Variants in SEMA5A observed in about 807,000 individuals in gnomAD.
The protein encoded by SEMA5A is semaphorin 5A.
Under a neutral mutation model 135.5 loss-of-function variants are expected in SEMA5A, and 55 were observed. That is an observed-to-expected ratio of 0.41 (90% CI 0.33 to 0.51). SEMA5A has a LOEUF of 0.51. SEMA5A is among the 20% of genes least tolerant of loss of function. The pLI is 0.37. For synonymous variants in SEMA5A, 580 were observed against 546.5 expected (o/e 1.06, Z -0.85); for missense variants, 1,290 against 1,419.9 (o/e 0.91, Z 1.47).
rs3777344 is a variant in SEMA5A at position 9,356,068 on chromosome 5, A to G, written c.125-18256T>C. The stretch of plus-strand genomic sequence containing the variant: ...TTGGATTCTGTTTCTACTGACATCC[A>G]TATAAATTGGAACCTGCTCCTTCCC... On this transcript the variant is annotated intron_variant, in intron 3 of 22. Transcript: ENST00000382496. Among the ~76,000 whole-genome samples the G allele has an allele frequency of 4.3e-3, 657 of 152,326 alleles. 15 individuals carry two copies. Among genetic ancestry groups the G allele is most frequent in the Admixed American group, 0.035 (539 of 15,300 alleles).
rs555526832 is a variant in SEMA5A, at chr5:9,183,547, C to T, written c.1273+6720G>A. ...GTCCTGCCCAGGAATCTGTCAGCCA[C>T]GGGGGCAGCTGAGGCAGAGCAAATG... On this transcript the variant is annotated intron_variant, in intron 11 of 22. Transcript: ENST00000382496. Among the ~76,000 whole-genome samples the T allele has an allele frequency of 3.9e-5, 6 of 152,288 alleles. No individual in the cohort carries two copies. In the East Asian group the frequency reaches 9.7e-4, roughly 25 times the overall value.
intron 2 of SEMA5A, among the ~76,000 whole-genome samples, chr5:9,435,865 A>T (rs1758010128): frequency 6.6e-6 from 1 of 152,210 alleles, no homozygotes; most frequent in Non-Finnish European, 1.5e-5. Flanking sequence ...CCAATTCTTG[A>T]TTTAGATTAC....
Position 9,544,318 on chromosome 5 carries a change from T to C in SEMA5A, c.-175+1266A>G, listed in dbSNP as rs185529811. On this transcript the variant is annotated intron_variant, in intron 1 of 22. Transcript: ENST00000382496. The stretch of plus-strand genomic sequence containing the variant: ...TAAACAAAGCTCACGTTATCTTCCC[T>C]CAATTTCGATTTCTTTCTGAGTAAA... Among the ~76,000 whole-genome samples the C allele has an allele frequency of 1.3e-3, 200 of 152,290 alleles. 1 individual carries two copies. Among genetic ancestry groups the C allele is most frequent in the Admixed American group, 0.01 (154 of 15,304 alleles).
intron 8 of SEMA5A, among the ~76,000 whole-genome samples, chr5:9,224,280 T>C (rs1747168752): frequency 6.6e-6 from 1 of 152,202 alleles, no homozygotes; most frequent in Non-Finnish European, 1.5e-5. Context: ...TTTATACAGT[T>C]GCTGAAAATT....
At chr5:9,061,775 A>C (rs1008878921) in intron 18 of SEMA5A, among the ~76,000 whole-genome samples, 1 of 152,206 alleles carries the variant, frequency 6.6e-6, no homozygotes, top group Non-Finnish European at 1.5e-5. Flanking sequence ...GAAGACCCAG[A>C]AAAACAGCTC....
chr5:9,470,940 A>G (rs564626585), intron 1 of SEMA5A, among the ~76,000 whole-genome samples: 2 of 152,364 alleles, frequency 1.3e-5, no homozygotes, highest in African/African-American at 4.8e-5. Context: ...AGTCCATTCC[A>G]TAGAGCTGGA....
intron 14 of SEMA5A, among the ~76,000 whole-genome samples, chr5:9,120,380 A>T (rs1740748175): frequency 6.6e-6 from 1 of 152,010 alleles, no homozygotes; most frequent in East Asian, 1.9e-4. Context: ...TCAAATAAAA[A>T]TTTTTCTGAG....
intron 1 of SEMA5A, among the ~76,000 whole-genome samples, chr5:9,459,124 A>C (rs1218289378): frequency 6.6e-6 from 1 of 152,208 alleles, no homozygotes; most frequent in African/African-American, 2.4e-5. Context: ...TTTTTAAAAA[A>C]AGTCCCATAA....
intron 5 of SEMA5A, among the ~76,000 whole-genome samples, chr5:9,295,908 A>G (rs759077152): frequency 1.3e-5 from 2 of 152,220 alleles, no homozygotes; most frequent in Admixed American, 1.3e-4. Flanking sequence ...ACCTGAGTGG[A>G]AATCATTGTT....
intron 5 of SEMA5A, among the ~76,000 whole-genome samples, chr5:9,288,441 C>G (rs967824174): frequency 1.3e-5 from 2 of 152,170 alleles, no homozygotes; most frequent in Admixed American, 1.3e-4. Context: ...TTCCAAGGAC[C>G]TTTTCCATGG....
chr5:9,439,995 G>C (rs1181255782), intron 1 of SEMA5A, among the ~76,000 whole-genome samples: 3 of 152,238 alleles, frequency 2.0e-5, no homozygotes, highest in African/African-American at 7.2e-5. Context: ...TAACAGCCTG[G>C]GGGCTTGTCA....
At chr5:9,153,724 T>A (rs1228895597) in intron 12 of SEMA5A, among the ~76,000 whole-genome samples, 1 of 152,048 alleles carries the variant, frequency 6.6e-6, no homozygotes, top group African/African-American at 2.4e-5. Context: ...CCTTATAATA[T>A]TTTTTGTTAT....
At chr5:9,057,258 T>G (rs1352199093) in intron 18 of SEMA5A, among the ~76,000 whole-genome samples, 1 of 152,196 alleles carries the variant, frequency 6.6e-6, no homozygotes, top group South Asian at 2.1e-4. Flanking sequence ...AAAAATCTGT[T>G]AAGTAGGTAG....
intron 5 of SEMA5A, among the ~76,000 whole-genome samples, chr5:9,304,555 T>C (rs904869471): frequency 2.4e-4 from 36 of 152,290 alleles, no homozygotes; most frequent in Middle Eastern, 3.4e-3. Context: ...ACAGCCTATA[T>C]AGTTTGCTTA....
intron 13 of SEMA5A, among the ~76,000 whole-genome samples, chr5:9,128,704 T>A (rs1741245623): frequency 1.3e-5 from 2 of 152,222 alleles, no homozygotes; most frequent in African/African-American, 2.4e-5. Context: ...AAAATTAAAC[T>A]AAGATTCATA....
chr5:9,273,916 A>G (rs111329651), intron 5 of SEMA5A, among the ~76,000 whole-genome samples: 1,918 of 152,276 alleles, frequency 0.013, 41 homozygotes, highest in African/African-American at 0.044. Flanking sequence ...TGATGCTATG[A>G]AGAAACGGCC....
chr5:9,384,675 T>TATAGATAGATAGATATAG (rs1755802898), intron 2 of SEMA5A, among the ~76,000 whole-genome samples: 5 of 64,228 alleles, frequency 7.8e-5, no homozygotes, highest in Admixed American at 4.9e-4. Flanking sequence ...GATAGATAGA[T>TATAGATAGATAGATATAG]ATAGATAGAT....
chr5:9,104,859 A>G (rs1739821715), intron 16 of SEMA5A, among the ~76,000 whole-genome samples: 1 of 152,150 alleles, frequency 6.6e-6, no homozygotes, highest in Non-Finnish European at 1.5e-5. Context: ...TGGGGAGTAA[A>G]CATCTGTGTT....
At chr5:9,076,465 A>G (rs1252265435) in intron 16 of SEMA5A, among the ~76,000 whole-genome samples, 1 of 152,136 alleles carries the variant, frequency 6.6e-6, no homozygotes, top group Admixed American at 6.5e-5. Context: ...ATGCAGCTGG[A>G]TAGAAGGAGT....
Sources: allele counts gnomAD v4.1 joint callset (sites outside exome capture counted in the v4.1 genomes callset), GRCh38; gene constraint gnomAD v4.1.1; transcripts MANE v1.5; gene names NCBI Gene and HGNC (gene_info 2026-07-23, HGNC 2026-07-21).